SPATA6: variants seen among roughly 807,000 people sequenced by gnomAD.
SPATA6 encodes the protein spermatogenesis-associated protein 6.
A neutral mutation model predicts 65.3 loss-of-function variants in SPATA6; 56 were observed. The ratio of observed to expected loss-of-function variants is 0.86; its 90% CI spans 0.69 to 1.07. The LOEUF (loss-of-function observed/expected upper bound fraction) is 1.07, where lower values mean the gene tolerates loss of function less well. Ranked by LOEUF, SPATA6 falls within the 50% of genes least tolerant of loss-of-function variation. The pLI, the probability that SPATA6 is intolerant of heterozygous loss-of-function variation, is 0.00. For synonymous variants in SPATA6, 199 were observed against 213.2 expected (o/e 0.93, Z 0.58); for missense variants, 590 against 594.8 (o/e 0.99, Z 0.08).
chr1:48,392,525 TGAAAGTAGA>T (rs1650175690), intron 8 of SPATA6, among the ~76,000 whole-genome samples: 1 of 151,984 alleles, frequency 6.6e-6, no homozygotes, highest in African/African-American at 2.4e-5. Flanking sequence ...TATACCTTAA[TGAAAGTAGA>T]GAAAGTAGTA....
downstream of SPATA6, among the ~76,000 whole-genome samples, chr1:48,292,179 T>C (rs1444333100): frequency 3.3e-5 from 5 of 152,186 alleles, no homozygotes; most frequent in Non-Finnish European, 5.9e-5. Context: ...AGCACTTACC[T>C]CTTCCAGACC....
At chr1:48,374,763 T>C (rs750211575) in intron 9 of SPATA6, among the ~76,000 whole-genome samples, 1 of 152,202 alleles carries the variant, frequency 6.6e-6, no homozygotes, top group Non-Finnish European at 1.5e-5. Context: ...TTAAGACTCA[T>C]GCCTTAATTC....
chr1:48,395,208 A>C (rs1650467186), intron 8 of SPATA6, 59 bp downstream of exon 8: 1 of 1,325,322 alleles, frequency 7.5e-7, no homozygotes, highest in South Asian at 1.6e-5. Context: ...ATGCCAAATT[A>C]AAGGCTTGAT....
intron 12 of SPATA6, among the ~76,000 whole-genome samples, chr1:48,300,758 G>T (rs912248543): frequency 6.6e-6 from 1 of 151,888 alleles, no homozygotes; most frequent in African/African-American, 2.4e-5. Context: ...GGTTCATCAT[G>T]GGCAAATCAA....
At chr1:48,324,330 T>C (rs1337523180) in intron 11 of SPATA6, among the ~76,000 whole-genome samples, 1 of 152,114 alleles carries the variant, frequency 6.6e-6, no homozygotes, top group Non-Finnish European at 1.5e-5. Context: ...GGGAGCACTT[T>C]CAAACTCATT....
chr1:48,317,987 G>A (rs1196226781), intron 11 of SPATA6, among the ~76,000 whole-genome samples: 1 of 152,268 alleles, frequency 6.6e-6, no homozygotes, highest in East Asian at 1.9e-4. Flanking sequence ...TCCAAAGAAT[G>A]CAAGGTTGAC....
chr1:48,418,490 T>TTGAGCCCCGGAGTTC (rs1553167400), intron 3 of SPATA6, among the ~76,000 whole-genome samples: 3 of 140,604 alleles, frequency 2.1e-5, no homozygotes, highest in Non-Finnish European at 4.5e-5. Context: ...GGAGGGTTGC[T>TTGAGCCCCGGAGTTC]TGAGCCCCGG....
In SPATA6 at chr1:48,317,285, C is replaced by A. The variant is rs1272271460; in HGVS notation, c.1195-11407G>T. On this transcript the variant is annotated intron_variant, in intron 11 of 12. Transcript: ENST00000371847. ...AAGACTTGGAACCAACCCAAATGTC[C>A]AACAATGATAGACTGGATTAAGAAA... Among the ~76,000 whole-genome samples the A allele has an allele frequency of 3.3e-5, 5 of 152,110 alleles. No homozygotes were observed. In the South Asian group the frequency reaches 1.0e-3, roughly 32 times the overall value.
At chr1:48,332,489 A>G (rs985104889) in intron 11 of SPATA6, among the ~76,000 whole-genome samples, 6 of 152,202 alleles carry the variant, frequency 3.9e-5, no homozygotes, top group African/African-American at 9.6e-5. Flanking sequence ...AAGACAAAGA[A>G]GGGCATTACA....
intron 9 of SPATA6, among the ~76,000 whole-genome samples, chr1:48,367,231 C>T (rs6696901): frequency 0.82 from 124,925 of 152,108 alleles, 51,643 homozygotes; most frequent in Middle Eastern, 0.91. Context: ...TGGTCACTTT[C>T]GGAATAAGTG....
chr1:48,451,510 A>C, intron 3 of SPATA6, 42 bp downstream of exon 3: 1 of 1,568,058 alleles, frequency 6.4e-7, no homozygotes, highest in Non-Finnish European at 8.7e-7. Flanking sequence ...AATAAATCCT[A>C]AAATGTCTTA....
At chr1:48,442,902 C>T (rs1655660148) in intron 3 of SPATA6, among the ~76,000 whole-genome samples, 1 of 152,122 alleles carries the variant, frequency 6.6e-6, no homozygotes. Flanking sequence ...CAACCCATAG[C>T]CTTCCTATCA....
At chr1:48,320,526 C>A (rs1350532566) in intron 11 of SPATA6, among the ~76,000 whole-genome samples, 1 of 152,138 alleles carries the variant, frequency 6.6e-6, no homozygotes, top group Non-Finnish European at 1.5e-5. Flanking sequence ...AAAGATCTTT[C>A]AAACATTAAG....
At chr1:48,365,398 CA>C (rs1557618787) in intron 9 of SPATA6, among the ~76,000 whole-genome samples, 1 of 152,128 alleles carries the variant, frequency 6.6e-6, no homozygotes, top group African/African-American at 2.4e-5. Flanking sequence ...GCAGTATGGC[CA>C]TTTTCACGAT....
chr1:48,452,466 C>T (rs1225808951), intron 2 of SPATA6, among the ~76,000 whole-genome samples: 1 of 151,678 alleles, frequency 6.6e-6, no homozygotes, highest in African/African-American at 2.4e-5. Flanking sequence ...TCACTACAAC[C>T]TCCACCTCCC....
intron 9 of SPATA6, among the ~76,000 whole-genome samples, chr1:48,384,412 G>GGGAGAGGGAGA (rs1649231968): frequency 1.2e-5 from 1 of 86,084 alleles, no homozygotes; most frequent in Admixed American, 1.2e-4. Flanking sequence ...GAGAGGGAGA[G>GGGAGAGGGAGA]GGAGAGGGAG....
chr1:48,411,688 A>G, intron 4 of SPATA6, 100 bp from the exon 5 acceptor site: 1 of 1,038,802 alleles, frequency 9.6e-7, no homozygotes, highest in Non-Finnish European at 1.3e-6. Context: ...GCCTTATTGA[A>G]ATACCTGTTT....
At chr1:48,400,655 G>T in intron 6 of SPATA6, 1 of 473,486 alleles carries the variant, frequency 2.1e-6, no homozygotes, top group Non-Finnish European at 3.3e-6. Context: ...AAATACAAAT[G>T]TGAATAGGAT....
chr1:48,294,225 T>G (rs1250464029), downstream of SPATA6, among the ~76,000 whole-genome samples: 1 of 152,122 alleles, frequency 6.6e-6, no homozygotes, highest in Admixed American at 6.6e-5. Context: ...TACAGGTGCA[T>G]GCCACTACGC....
Sources: allele counts gnomAD v4.1 joint callset (sites outside exome capture counted in the v4.1 genomes callset), GRCh38; gene constraint gnomAD v4.1.1; transcripts MANE v1.5; gene names NCBI Gene and HGNC (gene_info 2026-07-23, HGNC 2026-07-21).